GABBR2: variants seen among roughly 807,000 people sequenced by gnomAD.
GABBR2 encodes gamma-aminobutyric acid type B receptor subunit 2, also known as G-protein coupled receptor 51.
In GABBR2, 23 loss-of-function variants were observed where a neutral mutation model predicts 105.6. That is an observed-to-expected ratio of 0.22 (90% confidence interval 0.16 to 0.31). GABBR2 has a LOEUF of 0.31. Ranked by LOEUF, GABBR2 falls within the 10% of genes least tolerant of loss-of-function variation. The pLI, the probability that GABBR2 is intolerant of heterozygous loss-of-function variation, is 1.00. For missense variants in GABBR2, 734 were observed against 1,245.5 expected (o/e 0.59, Z 6.18); for synonymous variants, 478 against 499.7 (o/e 0.96, Z 0.58).
intron 8 of GABBR2, among the ~76,000 whole-genome samples, chr9:98,404,297 A>C (rs1278359653): frequency 1.3e-5 from 2 of 152,172 alleles, no homozygotes; most frequent in Non-Finnish European, 2.9e-5. Context: ...ACGTTTGCCT[A>C]AAATTACATC....
At chr9:98,539,872 C>T (rs904736135) in intron 3 of GABBR2, among the ~76,000 whole-genome samples, 1 of 146,154 alleles carries the variant, frequency 6.8e-6, no homozygotes, top group Non-Finnish European at 1.5e-5. Flanking sequence ...GCCGAGATTG[C>T]GCCAGTGCAC....
chr9:98,344,965 C>T (rs752878451), intron 13 of GABBR2, among the ~76,000 whole-genome samples: 17 of 152,122 alleles, frequency 1.1e-4, no homozygotes, highest in South Asian at 2.1e-4. Context: ...GAAATGAATT[C>T]CCCATGTTGC....
intron 1 of GABBR2, among the ~76,000 whole-genome samples, chr9:98,636,485 C>CTT (rs10559312): frequency 2.6e-4 from 17 of 66,170 alleles, no homozygotes; most frequent in East Asian, 5.3e-4. Context: ...TCTTTCCTTT[C>CTT]TTTTTTTTTT....
chr9:98,581,809 A>T (rs1413486891), intron 1 of GABBR2, among the ~76,000 whole-genome samples: 1 of 152,250 alleles, frequency 6.6e-6, no homozygotes, highest in African/African-American at 2.4e-5. Context: ...TTTATAATCA[A>T]AGTTGCATTA....
chr9:98,640,941 C>T (rs551956679), intron 1 of GABBR2, among the ~76,000 whole-genome samples: 47 of 152,194 alleles, frequency 3.1e-4, no homozygotes, highest in South Asian at 4.2e-4. Context: ...TCAGTTTCCC[C>T]GTTTGCAAAA....
intron 1 of GABBR2, among the ~76,000 whole-genome samples, chr9:98,645,103 G>A (rs917396878): frequency 6.6e-6 from 1 of 152,180 alleles, no homozygotes; most frequent in African/African-American, 2.4e-5. Context: ...AGACTGGCTT[G>A]CCATGAATCC....
intron 3 of GABBR2, among the ~76,000 whole-genome samples, chr9:98,531,822 AAGG>A (rs886241933): frequency 2.6e-5 from 4 of 152,194 alleles, no homozygotes; most frequent in African/African-American, 2.4e-5. Context: ...TCAGAGTTTC[AAGG>A]AGAAGTCTAT....
chr9:98,608,851 T>C (rs1039747411), intron 1 of GABBR2, among the ~76,000 whole-genome samples: 1 of 152,236 alleles, frequency 6.6e-6, no homozygotes, highest in Non-Finnish European at 1.5e-5. Context: ...ATATAGCATC[T>C]TTCATATGGT....
chr9:98,586,702 T>C (rs1564122938), intron 1 of GABBR2, among the ~76,000 whole-genome samples: 1 of 152,282 alleles, frequency 6.6e-6, no homozygotes, highest in Non-Finnish European at 1.5e-5. Context: ...AATTGTGTTA[T>C]ACATTTCACC....
At chr9:98,512,938 G>A (rs1385206126) in intron 3 of GABBR2, among the ~76,000 whole-genome samples, 9 of 151,898 alleles carry the variant, frequency 5.9e-5, no homozygotes, top group Admixed American at 3.3e-4. Flanking sequence ...AAAAGAGCCC[G>A]CATCACCAAG....
chr9:98,614,816 A>C (rs368182921), intron 1 of GABBR2, among the ~76,000 whole-genome samples: 18 of 152,222 alleles, frequency 1.2e-4, no homozygotes, highest in African/African-American at 3.4e-4. Flanking sequence ...ACATGCATGA[A>C]GATCAACCCT....
intron 11 of GABBR2, chr9:98,375,223 G>C (rs1292178437): frequency 6.6e-6 from 1 of 152,256 alleles, no homozygotes; most frequent in African/African-American, 2.4e-5. Context: ...TCATGCTGCC[G>C]GGTCTGACAC....
At chr9:98,673,220 C>T (rs1015807370) in intron 1 of GABBR2, among the ~76,000 whole-genome samples, 1 of 152,026 alleles carries the variant, frequency 6.6e-6, no homozygotes, top group Non-Finnish European at 1.5e-5. Context: ...TCAAGAAGAC[C>T]CGGTGCATAT....
chr9:98,383,144 T>C lies in GABBR2; in HGVS notation c.1662+2496A>G, dbSNP rs1832008497. Among the ~76,000 whole-genome samples the C allele has an allele frequency of 2.0e-5, 3 of 152,182 alleles. No homozygotes were observed. The South Asian group carries it at 6.2e-4, about 32-fold the overall frequency. ...TTAGTAGAGATGGGGTTTCTCCATG[T>C]TGGTCAGGCTGGTCTTGAACTCCTG... On this transcript the variant is annotated intron_variant, in intron 11 of 18. Transcript: ENST00000259455.
intron 1 of GABBR2, among the ~76,000 whole-genome samples, chr9:98,652,121 C>G (rs1830117072): frequency 6.7e-6 from 1 of 149,474 alleles, no homozygotes; most frequent in South Asian, 2.1e-4. Flanking sequence ...TATGGTCAAA[C>G]AGTTTATTAT....
At position 98,385,399 on chromosome 9, in the gene GABBR2, GT is replaced by G. The variant is rs576100574; in HGVS notation, c.1662+240del. ...TTTTTGTATTTTTTGTAGAGACAGG[GT>G]TTCACCATGTTGCCCGGGCTGGAAG... On this transcript the variant is annotated intron_variant, in intron 11 of 18. Coordinates refer to ENST00000259455, the MANE Select transcript of GABBR2 (RefSeq NM_005458.8). Among the ~76,000 whole-genome samples the G allele has an allele frequency of 2.7e-3, 415 of 152,172 alleles. 2 individuals are homozygous for G. Among genetic ancestry groups the G allele is most frequent in the South Asian group, 7.5e-3 (36 of 4,808 alleles).
rs968485482 is a variant in GABBR2 at position 98,331,226 on chromosome 9, G to A, written c.1894-20021C>T. Among the ~76,000 whole-genome samples the A allele has an allele frequency of 7.2e-5, 11 of 152,006 alleles. 1 individual carries two copies. The highest frequency in any genetic ancestry group is 6.6e-4 in the Admixed American group (10 of 15,250). On this transcript the variant is annotated intron_variant, in intron 13 of 18. Coordinates refer to ENST00000259455, the MANE Select transcript of GABBR2 (RefSeq NM_005458.8). ...TATAAACATTCATGTCTATGTTTTT[G>A]AGCAGATGTTTTCATTTTCCTTGTG... is the stretch of plus-strand genomic sequence containing the variant.
At chr9:98,314,752 G>T (rs183839853) in intron 13 of GABBR2, among the ~76,000 whole-genome samples, 1 of 152,088 alleles carries the variant, frequency 6.6e-6, no homozygotes, top group Non-Finnish European at 1.5e-5. Flanking sequence ...CCACAGGAGG[G>T]AAGATCTACA....
intron 1 of GABBR2, among the ~76,000 whole-genome samples, chr9:98,691,920 T>C (rs1830687342): frequency 6.6e-6 from 1 of 152,216 alleles, no homozygotes; most frequent in African/African-American, 2.4e-5. Flanking sequence ...GCTAAGAGGA[T>C]CTTCAAATCT....
Sources: gnomAD v4.1 joint callset for allele counts (sites outside exome capture counted in the v4.1 genomes callset) on GRCh38, gnomAD v4.1.1 for gene constraint, MANE v1.5 for transcripts, NCBI Gene and HGNC (gene_info 2026-07-23, HGNC 2026-07-21) for gene names.